Variants in PRDM5 observed in about 807,000 individuals in gnomAD.
The protein encoded by PRDM5 is PR domain zinc finger protein 5.
In PRDM5, 56 loss-of-function variants were observed where a neutral mutation model predicts 81.2. The observed-to-expected ratio is 0.69, with a 90% CI of 0.56 to 0.86. The LOEUF is 0.86. Ranked by LOEUF, PRDM5 falls within the 40% of genes least tolerant of loss-of-function variation. The probability of loss-of-function intolerance (pLI) is 0.00; values close to 1 mark genes in which losing one functional copy is unlikely to be tolerated. For missense variants in PRDM5, 697 were observed against 770.1 expected (o/e 0.91, Z 1.12); for synonymous variants, 267 against 256.4 (o/e 1.04, Z -0.39).
intron 2 of PRDM5, among the ~76,000 whole-genome samples, chr4:120,857,466 C>T (rs1760012142): frequency 6.6e-6 from 1 of 152,218 alleles, no homozygotes; most frequent in South Asian, 2.1e-4. Context: ...TGCTGCTTCA[C>T]ATTTAATGAA....
Position 120,816,930 on chromosome 4 carries a change from G to A in PRDM5, c.651-6C>T. The A allele has an allele frequency of 6.2e-7, 1 of 1,605,246 alleles. No homozygotes were observed. The highest frequency in any genetic ancestry group is 8.5e-7 in the Non-Finnish European group (1 of 1,172,094). ...TCGCTGTGCACTGAAGAACACTAAA[G>A]GGAAATAGGAAAAAGAGAAAGAAAA... On this transcript the variant is annotated splice_region_variant and splice_polypyrimidine_tract_variant and intron_variant, in intron 5 of 15. Coordinates refer to ENST00000264808, the MANE Select transcript of PRDM5 (RefSeq NM_018699.4).
chr4:120,905,033 G>T (rs1338111696), intron 2 of PRDM5, among the ~76,000 whole-genome samples: 1 of 152,082 alleles, frequency 6.6e-6, no homozygotes, highest in African/African-American at 2.4e-5. Context: ...CATAGTAAAA[G>T]AATTAACTGC....
chr4:120,874,170 C>A (rs1345011480), intron 2 of PRDM5, among the ~76,000 whole-genome samples: 1 of 152,104 alleles, frequency 6.6e-6, no homozygotes, highest in Non-Finnish European at 1.5e-5. Flanking sequence ...TTATTATAGT[C>A]CCTCTATAGT....
At chr4:120,914,046 A>G (rs1766803929) in intron 1 of PRDM5, among the ~76,000 whole-genome samples, 1 of 152,196 alleles carries the variant, frequency 6.6e-6, no homozygotes, top group South Asian at 2.1e-4. Flanking sequence ...TACAGCCCAT[A>G]CAAAGGAGCA....
At chr4:120,686,134 C>G (rs760055373) in intron 1 of PRDM5, among the ~76,000 whole-genome samples, 26 of 152,024 alleles carry the variant, frequency 1.7e-4, no homozygotes, top group Non-Finnish European at 3.4e-4. Context: ...GTCCCTGAGG[C>G]CTCCCCAGAA....
At chr4:120,788,861 C>T (rs567146413) in intron 10 of PRDM5, among the ~76,000 whole-genome samples, 1 of 152,348 alleles carries the variant, frequency 6.6e-6, no homozygotes, top group African/African-American at 2.4e-5. Flanking sequence ...AGAACCCATG[C>T]ATTCAATCAA....
At chr4:120,744,573 A>G (rs1483387613) in intron 14 of PRDM5, among the ~76,000 whole-genome samples, 2 of 152,164 alleles carry the variant, frequency 1.3e-5, no homozygotes, top group Non-Finnish European at 2.9e-5. Context: ...AATCAAATAG[A>G]CGCAAGAAAA....
At chr4:120,833,836 AC>A (rs754187033) in intron 3 of PRDM5, among the ~76,000 whole-genome samples, 2 of 152,190 alleles carry the variant, frequency 1.3e-5, no homozygotes, top group Non-Finnish European at 2.9e-5. Context: ...AGATAGTTGT[AC>A]AGAGAATGGT....
intron 8 of PRDM5, 81 bp downstream of exon 8, chr4:120,811,289 G>T: frequency 1.1e-6 from 1 of 877,010 alleles, no homozygotes; most frequent in Non-Finnish European, 1.7e-6. Context: ...AAATAACTTG[G>T]TAACTTTTAT....
rs983860096 is a variant in PRDM5 at position 120,798,569 on chromosome 4, T to C, written c.1031-145A>G. ...TAAAAAACATCTACCATCCACATAATAGACACATAAATGTGTCTACTCCTA... is the reference window on the plus strand; with the variant it reads ...TAAAAAACATCTACCATCCACATAACAGACACATAAATGTGTCTACTCCTA... On this transcript the variant is annotated intron_variant, in intron 9 of 15. Coordinates refer to ENST00000264808, the MANE Select transcript of PRDM5 (RefSeq NM_018699.4). The C allele has an allele frequency of 1.7e-5, 11 of 665,240 alleles. No individual in the cohort carries two copies. In the African/African-American group the frequency reaches 1.8e-4, roughly 11 times the overall value. The allele number at this position is 665,240 out of a possible 1,614,324, so 41.2% of individuals were successfully genotyped here.
intron 8 of PRDM5, 92 bp downstream of exon 8, chr4:120,811,278 A>C (rs1164881791): frequency 1.3e-6 from 1 of 798,162 alleles, no homozygotes; most frequent in Non-Finnish European, 1.9e-6. Context: ...TTTTCACATC[A>C]AAATAACTTG....
rs542772712 is a variant in PRDM5 at position 120,787,712 on chromosome 4, G to A, written c.1189-2621C>T. On this transcript the variant is annotated intron_variant, in intron 10 of 15. Coordinates refer to ENST00000264808, the MANE Select transcript of PRDM5 (RefSeq NM_018699.4). Reference sequence around the variant, plus strand: ...AGATTTGTGATCTGAGCAATGCAATGATGGATTAGCCACTAACAGATATGC... The same window carrying A: ...AGATTTGTGATCTGAGCAATGCAATAATGGATTAGCCACTAACAGATATGC... Among the ~76,000 whole-genome samples the A allele has an allele frequency of 7.2e-5, 11 of 152,300 alleles. No individual in the cohort carries two copies. In the South Asian group the frequency reaches 2.3e-3, roughly 32 times the overall value.
intron 3 of PRDM5, chr4:120,838,851 G>T: frequency 4.7e-6 from 1 of 210,804 alleles, no homozygotes; most frequent in Non-Finnish European, 9.6e-6. Context: ...CTAATGGCCT[G>T]GATTCCACAC....
intron 3 of PRDM5, among the ~76,000 whole-genome samples, chr4:120,827,280 CA>C (rs1184886950): frequency 2.6e-5 from 4 of 152,098 alleles, no homozygotes; most frequent in Admixed American, 6.5e-5. Context: ...GGCAAACACA[CA>C]CACAAAAGCT....
At chr4:120,820,060 C>T (rs888335780) in intron 4 of PRDM5, among the ~76,000 whole-genome samples, 11 of 152,210 alleles carry the variant, frequency 7.2e-5, no homozygotes, top group Admixed American at 4.6e-4. Context: ...TAGTAAGTAT[C>T]AGCCTGCTAT....
chr4:120,828,710 C>T (rs1015563718), intron 3 of PRDM5, among the ~76,000 whole-genome samples: 1 of 152,042 alleles, frequency 6.6e-6, no homozygotes, highest in Non-Finnish European at 1.5e-5. Flanking sequence ...ATACAGTTAA[C>T]TTTGTGGCCT....
intron 1 of PRDM5, among the ~76,000 whole-genome samples, chr4:120,686,222 G>A (rs1034665221): frequency 5.5e-5 from 6 of 108,644 alleles, no homozygotes; most frequent in African/African-American, 1.6e-4. Context: ...TTCTTTATAG[G>A]TAATACCTGA....
rs1035270037 is a variant in PRDM5 at position 120,712,751 on chromosome 4, C to T, written c.1624-2338G>A. 3.9e-5 allele frequency among the ~76,000 whole-genome samples: 6 copies of T among 152,298 alleles called. No individual in the cohort carries two copies. The South Asian group carries it at 1.2e-3, about 32-fold the overall frequency. The stretch of plus-strand genomic sequence containing the variant: ...ATTATCCTCACAAGTTTCTAGTCCT[C>T]GCTTTCATTTTTGTGAACATATGTA... On this transcript the variant is annotated intron_variant, in intron 14 of 15. Coordinates refer to ENST00000264808, the MANE Select transcript of PRDM5 (RefSeq NM_018699.4).
At chr4:120,714,244 A>G (rs1360221583) in intron 14 of PRDM5, among the ~76,000 whole-genome samples, 2 of 152,170 alleles carry the variant, frequency 1.3e-5, no homozygotes, top group Non-Finnish European at 2.9e-5. Context: ...ACTGAATATG[A>G]CTACTTTTCT....
Sources: gnomAD v4.1 joint callset for allele counts (sites outside exome capture counted in the v4.1 genomes callset) on GRCh38, gnomAD v4.1.1 for gene constraint, MANE v1.5 for transcripts, NCBI Gene and HGNC (gene_info 2026-07-23, HGNC 2026-07-21) for gene names.